CDK5RAP2: variants seen among roughly 807,000 people sequenced by gnomAD.
The protein encoded by CDK5RAP2 is CDK5 regulatory subunit associated protein 2.
Under a neutral mutation model 232.9 loss-of-function variants are expected in CDK5RAP2, and 147 were observed. The observed-to-expected ratio is 0.63, with a 90% CI of 0.55 to 0.72. The LOEUF is 0.72. Ranked by LOEUF, CDK5RAP2 falls within the 30% of genes least tolerant of loss-of-function variation. The pLI, the probability that CDK5RAP2 is intolerant of heterozygous loss-of-function variation, is 0.00. For synonymous variants in CDK5RAP2, 833 were observed against 833.7 expected, an observed-to-expected ratio of 1.00 and a Z score of 0.01; for missense variants, 2,195 against 2,231.5, an observed-to-expected ratio of 0.98 and a Z score of 0.33.
chr9:120,496,783 GT>G (rs2039289907), intron 12 of CDK5RAP2, among the ~76,000 whole-genome samples: 1 of 129,540 alleles, frequency 7.7e-6, no homozygotes, highest in South Asian at 2.4e-4. Flanking sequence ...CAGGAGGGAG[GT>G]GGGGGGGGTC....
chr9:120,509,037 A>C (rs1261963196), intron 12 of CDK5RAP2, among the ~76,000 whole-genome samples: 1 of 152,094 alleles, frequency 6.6e-6, no homozygotes, highest in Non-Finnish European at 1.5e-5. Flanking sequence ...CCATATAAAA[A>C]CTGTTGGGGA....
chr9:120,536,473 C>G lies in CDK5RAP2; in HGVS notation c.561G>C (p.Thr187=), dbSNP rs756635555. ...ELEKAFAGTE[T]EKALRLRLES... The stretch of plus-strand genomic sequence containing the variant: ...CCAAACGCAACCGAAGAGCCTTCTC[C>G]GTCTCTGTCCCTGCAAAGGCCTTTT... The change falls in exon 7 of 38, where the codon ACG becomes ACC. Residue 187 remains threonine, a synonymous_variant. Coordinates refer to ENST00000349780, the MANE Select transcript of CDK5RAP2 (RefSeq NM_018249.6). The G allele has an allele frequency of 2.3e-5, 37 of 1,614,002 alleles. No individual in the cohort carries two copies. The highest frequency in any genetic ancestry group is 3.3e-5 in the Admixed American group (2 of 60,002).
At chr9:120,527,770 T>A (rs1451487154) in intron 10 of CDK5RAP2, 36 bp downstream of exon 10, 4 of 1,610,026 alleles carry the variant, frequency 2.5e-6, no homozygotes, top group Non-Finnish European at 3.4e-6. Flanking sequence ...TAGAAGCTAA[T>A]AAAGAAAAAT....
chr9:120,477,378 G>T lies in CDK5RAP2; in HGVS notation c.1699C>A (p.Leu567Met). The T allele has an allele frequency of 6.2e-7, 1 of 1,613,750 alleles. No homozygotes were observed. The highest frequency in any genetic ancestry group is 8.5e-7 in the Non-Finnish European group (1 of 1,179,764). ...LKKEQDIYTHLVKSLQESDSI... is the reference protein window; with the variant it reads ...LKKEQDIYTHMVKSLQESDSI... ...TCTGATTCCTGCAGAGATTTGACCA[G>T]ATGGGTATAGATGTCCTGCTCTTTC... Residue 567 changes from leucine to methionine, a missense_variant, in exon 15 of 38, where the codon CTG becomes ATG. Leu to Met is a conservative substitution (Grantham distance 15, BLOSUM62 2). Coordinates refer to ENST00000349780, the MANE Select transcript of CDK5RAP2 (RefSeq NM_018249.6).
Position 120,426,454 on chromosome 9 carries a change from A to AT in CDK5RAP2, c.3956-3714dup, listed in dbSNP as rs1178823233. On this transcript the variant is annotated intron_variant, in intron 25 of 37. Coordinates refer to ENST00000349780, the MANE Select transcript of CDK5RAP2 (RefSeq NM_018249.6). Reference sequence around the variant, plus strand: ...TTCCAGGTCATTGGTGGATTCAAACATTTTTCTGATTGGCACTTGGTTGAA... The same window carrying AT: ...TTCCAGGTCATTGGTGGATTCAAACATTTTTTCTGATTGGCACTTGGTTGAA... Among the ~76,000 whole-genome samples the AT allele has an allele frequency of 2.0e-5, 3 of 152,310 alleles. No individual in the cohort carries two copies. In the South Asian group the frequency reaches 6.2e-4, roughly 32 times the overall value.
chr9:120,421,761 T>G (rs1015113357), intron 26 of CDK5RAP2, among the ~76,000 whole-genome samples: 1 of 152,222 alleles, frequency 6.6e-6, no homozygotes, highest in Admixed American at 6.5e-5. Context: ...GCCAGCAACT[T>G]GGAGCTGGAG....
chr9:120,449,045 T>C (rs2036350387), intron 21 of CDK5RAP2, among the ~76,000 whole-genome samples: 1 of 152,188 alleles, frequency 6.6e-6, no homozygotes. Context: ...TCCAGTTCTA[T>C]CAAGACAAAG....
Position 120,447,992 on chromosome 9 carries a change from C to T in CDK5RAP2, c.2928G>A (p.Lys976=). 6.2e-7 allele frequency: 1 copy of T among 1,614,174 alleles called. No homozygotes were observed. The highest frequency in any genetic ancestry group is 8.5e-7 in the Non-Finnish European group (1 of 1,180,028). ...GTTGCTTATTACAAGTTTTAAACTCCTTCAGCTCCCCCTGCAGCTCCAAGA... is the reference window on the plus strand; with the variant it reads ...GTTGCTTATTACAAGTTTTAAACTCTTTCAGCTCCCCCTGCAGCTCCAAGA... The part of the protein sequence containing the change: ...SQILELQGEL[K]EFKTCNKQLH... Residue 976 remains lysine, a synonymous_variant, in exon 22 of 38, where the codon AAG becomes AAA. Transcript: ENST00000349780.
chr9:120,513,224 T>A (rs772361113), intron 12 of CDK5RAP2, among the ~76,000 whole-genome samples: 3 of 152,202 alleles, frequency 2.0e-5, no homozygotes, highest in Non-Finnish European at 2.9e-5. Context: ...ACTTACATGT[T>A]AAGGAAAAGC....
At chr9:120,534,008 C>G (rs2041277095) in intron 7 of CDK5RAP2, among the ~76,000 whole-genome samples, 1 of 152,096 alleles carries the variant, frequency 6.6e-6, no homozygotes, top group African/African-American at 2.4e-5. Flanking sequence ...GCCTGAGAAC[C>G]AGTCTTCTAC....
intron 3 of CDK5RAP2, among the ~76,000 whole-genome samples, chr9:120,561,444 A>G (rs1217302663): frequency 6.6e-6 from 1 of 152,058 alleles, no homozygotes; most frequent in African/African-American, 2.4e-5. Flanking sequence ...CCACAAGCAC[A>G]CATCACCATG....
intron 8 of CDK5RAP2, among the ~76,000 whole-genome samples, chr9:120,529,522 A>G (rs889481837): frequency 2.0e-5 from 3 of 152,234 alleles, no homozygotes; most frequent in African/African-American, 7.2e-5. Context: ...GGATTGAACG[A>G]GATGGTATAC....
At chr9:120,410,317 C>G (rs2033768049) in intron 29 of CDK5RAP2, among the ~76,000 whole-genome samples, 1 of 152,162 alleles carries the variant, frequency 6.6e-6, no homozygotes, top group African/African-American at 2.4e-5. Context: ...CTAGACTCTC[C>G]TCATTGCTAA....
intron 27 of CDK5RAP2, among the ~76,000 whole-genome samples, chr9:120,419,218 T>C (rs1056684102): frequency 6.6e-6 from 1 of 152,232 alleles, no homozygotes; most frequent in Non-Finnish European, 1.5e-5. Context: ...TCCTAGCCTT[T>C]AGAACTGTAA....
chr9:120,509,905 A>G (rs1181739151), intron 12 of CDK5RAP2, among the ~76,000 whole-genome samples: 1 of 152,160 alleles, frequency 6.6e-6, no homozygotes, highest in Non-Finnish European at 1.5e-5. Flanking sequence ...TTTAAACTGC[A>G]CATTATTCTA....
intron 1 of CDK5RAP2, among the ~76,000 whole-genome samples, chr9:120,575,951 C>A (rs1464754380): frequency 6.6e-6 from 1 of 152,188 alleles, no homozygotes. Context: ...ACAAAGCTTT[C>A]TACAGCAGTG....
rs140474771 is a variant in CDK5RAP2 at position 120,485,917 on chromosome 9, G to A, written c.1626+1377C>T. ...AAGGGCTCCATAAGTCCATGCTGACGCTCTCAAGAGAAACAGCAAAATGCA... is the reference window on the plus strand; with the variant it reads ...AAGGGCTCCATAAGTCCATGCTGACACTCTCAAGAGAAACAGCAAAATGCA... On this transcript the variant is annotated intron_variant, in intron 14 of 37. Transcript: ENST00000349780. Among the ~76,000 whole-genome samples, 27 of 152,278 alleles carry A rather than the reference G, an allele frequency of 1.8e-4. No homozygotes were observed. The East Asian group carries it at 3.3e-3, about 18-fold the overall frequency.
chr9:120,579,746 C>T (rs921344072), intron 1 of CDK5RAP2, among the ~76,000 whole-genome samples, 174 bp downstream of exon 1: 1 of 152,238 alleles, frequency 6.6e-6, no homozygotes, highest in African/African-American at 2.4e-5. Flanking sequence ...CGGCTCCCAG[C>T]CCTCCAGAGT....
At chr9:120,575,670 T>C in intron 1 of CDK5RAP2, among the ~76,000 whole-genome samples, 1 of 152,278 alleles carries the variant, frequency 6.6e-6, no homozygotes, top group East Asian at 1.9e-4. Flanking sequence ...AATACATAAA[T>C]TTAAAAAAAT....
Sources: allele counts gnomAD v4.1 joint callset (sites outside exome capture counted in the v4.1 genomes callset), GRCh38; gene constraint gnomAD v4.1.1; transcripts MANE v1.5; gene names NCBI Gene and HGNC (gene_info 2026-07-23, HGNC 2026-07-21).